The following LAPTM4B variants were observed in gnomAD, a reference collection of about 807,000 sequenced individuals.
LAPTM4B encodes lysosomal protein transmembrane 4 beta.
In LAPTM4B, 26 loss-of-function variants were observed where a neutral mutation model predicts 28.5. That is an observed-to-expected ratio of 0.91 (90% confidence interval 0.67 to 1.27). The LOEUF is 1.27. Ranked by LOEUF, LAPTM4B falls within the 50% of genes most tolerant of loss-of-function variation. LAPTM4B has a pLI of 0.00. For missense variants in LAPTM4B, 288 were observed against 285.8 expected (o/e 1.01, Z -0.06); for synonymous variants, 109 against 106.4 (o/e 1.02, Z -0.15).
chr8:97,830,612 C>T (rs916073301), intron 6 of LAPTM4B, among the ~76,000 whole-genome samples: 3 of 152,026 alleles, frequency 2.0e-5, no homozygotes, highest in African/African-American at 4.8e-5. Context: ...AGAGTACTTG[C>T]GACTTCCAGA....
At chr8:97,786,535 C>G (rs1172661892) in intron 1 of LAPTM4B, among the ~76,000 whole-genome samples, 4 of 151,834 alleles carry the variant, frequency 2.6e-5, no homozygotes, top group African/African-American at 4.8e-5. Context: ...AACTCCATCT[C>G]TACTAAAAAT....
At chr8:97,824,113 T>C (rs1400998607) in intron 5 of LAPTM4B, among the ~76,000 whole-genome samples, 1 of 152,164 alleles carries the variant, frequency 6.6e-6, no homozygotes, top group African/African-American at 2.4e-5. Context: ...TTGGCTATTA[T>C]GAATAATGCT....
chr8:97,787,216 T>TCACTTACATCCCAGTAAC (rs1280766128), intron 1 of LAPTM4B, among the ~76,000 whole-genome samples: 1 of 152,032 alleles, frequency 6.6e-6, no homozygotes, highest in Non-Finnish European at 1.5e-5. Flanking sequence ...CACATCACTT[T>TCACTTACATCCCAGTAAC]CACTTACATC....
rs765058962 is a variant in LAPTM4B, at chr8:97,775,856, G to C, written c.-154G>C. 9.2e-6 allele frequency: 14 copies of C among 1,528,246 alleles called. No individual in the cohort carries two copies. The highest frequency in any genetic ancestry group is 1.2e-5 in the Non-Finnish European group (14 of 1,142,720). The allele number at this position is 1,528,246 out of a possible 1,614,324, so 94.7% of individuals were successfully genotyped here. ...ACCCGGCAGAAGCTCGGAGCTCTCG[G>C]GGTATCGAGGAGGCAGGCCCGCGGG... On this transcript the variant is annotated 5_prime_UTR_variant, in exon 1 of 7. Transcript: ENST00000521545.
intron 2 of LAPTM4B, among the ~76,000 whole-genome samples, chr8:97,811,706 C>T (rs974049198): frequency 1.3e-4 from 20 of 152,140 alleles, no homozygotes; most frequent in African/African-American, 1.9e-4. Context: ...CACAGCTTGC[C>T]GGCTTGTGCA....
chr8:97,836,272 C>T (rs1474532467), intron 6 of LAPTM4B, among the ~76,000 whole-genome samples: 2 of 152,152 alleles, frequency 1.3e-5, no homozygotes, highest in Admixed American at 1.3e-4. Flanking sequence ...CCTCCACCCC[C>T]TGGGTTCAAG....
chr8:97,822,936 G>T (rs1470407938), intron 5 of LAPTM4B, among the ~76,000 whole-genome samples: 1 of 151,938 alleles, frequency 6.6e-6, no homozygotes, highest in Non-Finnish European at 1.5e-5. Context: ...CTGCTTCCCG[G>T]GTTCAAGCAA....
At chr8:97,840,146 G>A (rs1817324093) in intron 6 of LAPTM4B, among the ~76,000 whole-genome samples, 1 of 152,208 alleles carries the variant, frequency 6.6e-6, no homozygotes, top group Admixed American at 6.5e-5. Flanking sequence ...GATTACCGAG[G>A]TGATAGCACA....
intron 1 of LAPTM4B, among the ~76,000 whole-genome samples, chr8:97,780,084 GAAT>G (rs1296379275): frequency 7.0e-6 from 1 of 143,016 alleles, no homozygotes; most frequent in East Asian, 2.1e-4. Flanking sequence ...GTAAAATAAA[GAAT>G]AATAATAATA....
At chr8:97,782,599 T>C (rs572916395) in intron 1 of LAPTM4B, among the ~76,000 whole-genome samples, 1 of 152,116 alleles carries the variant, frequency 6.6e-6, no homozygotes, top group East Asian at 1.9e-4. Context: ...CCACCATCCC[T>C]GGCTAATTTT....
chr8:97,809,257 A>C (rs1471581855), intron 2 of LAPTM4B, among the ~76,000 whole-genome samples: 1 of 152,188 alleles, frequency 6.6e-6, no homozygotes, highest in African/African-American at 2.4e-5. Context: ...CCTAACCTCG[A>C]TTGCCTTAGA....
chr8:97,834,144 G>GGAAAAAAAAAAAAAAAAAAAAAAAAAA (rs1554593011), intron 6 of LAPTM4B, among the ~76,000 whole-genome samples: 1 of 75,344 alleles, frequency 1.3e-5, no homozygotes, highest in Non-Finnish European at 3.0e-5. Context: ...TGTCTCTACA[G>GGAAAAAAAAAAAAAAAAAAAAAAAAAA]AAAAAAAAAA....
At chr8:97,788,417 T>G (rs1816441494) in intron 1 of LAPTM4B, 1 of 226,350 alleles carries the variant, frequency 4.4e-6, no homozygotes, top group Admixed American at 5.1e-5. Context: ...AGATAACTAA[T>G]TTTCTATTTT....
At chr8:97,839,845 A>G (rs1817318049) in intron 6 of LAPTM4B, among the ~76,000 whole-genome samples, 2 of 152,216 alleles carry the variant, frequency 1.3e-5, no homozygotes, top group Admixed American at 1.3e-4. Flanking sequence ...ATATTTTTAC[A>G]TTGTAGGAAA....
At chr8:97,811,637 A>G (rs955547021) in intron 2 of LAPTM4B, among the ~76,000 whole-genome samples, 9 of 152,116 alleles carry the variant, frequency 5.9e-5, no homozygotes, top group Non-Finnish European at 1.2e-4. Flanking sequence ...GGCATTTGGA[A>G]AGGGCCCTTG....
intron 1 of LAPTM4B, among the ~76,000 whole-genome samples, chr8:97,785,544 G>T (rs982419799): frequency 6.6e-6 from 1 of 152,174 alleles, no homozygotes; most frequent in Non-Finnish European, 1.5e-5. Flanking sequence ...GTTTATTTGG[G>T]CCAGGCTTGA....
chr8:97,842,718 C>A lies in LAPTM4B; in HGVS notation c.604-8679C>A, dbSNP rs562023617. ...ATTTTTAGTAGAGACGGAGTTTCAC[C>A]ATATTGGCCAGGCTGGTTTCTAACT... On this transcript the variant is annotated intron_variant, in intron 6 of 6. Transcript: ENST00000521545. Among the ~76,000 whole-genome samples, 3 of 152,010 alleles carry A rather than the reference C, an allele frequency of 2.0e-5. No homozygotes were observed. In the East Asian group the frequency reaches 5.8e-4, roughly 30 times the overall value.
intron 5 of LAPTM4B, among the ~76,000 whole-genome samples, chr8:97,823,131 A>T (rs1043849641): frequency 6.6e-6 from 1 of 151,566 alleles, no homozygotes; most frequent in African/African-American, 2.4e-5. Flanking sequence ...GTGAGCCACA[A>T]TGCCCGGCCC....
chr8:97,849,818 G>A (rs1361903516), intron 6 of LAPTM4B, among the ~76,000 whole-genome samples: 2 of 66,250 alleles, frequency 3.0e-5, no homozygotes, highest in Non-Finnish European at 6.5e-5. Flanking sequence ...CCCCCTGCCC[G>A]CCTGCCCGCC....
Sources: allele counts gnomAD v4.1 joint callset (sites outside exome capture counted in the v4.1 genomes callset), GRCh38; gene constraint gnomAD v4.1.1; transcripts MANE v1.5; gene names NCBI Gene and HGNC (gene_info 2026-07-23, HGNC 2026-07-21).